SYNPR: variants seen among roughly 807,000 people sequenced by gnomAD.
SYNPR encodes the protein synaptoporin.
A neutral mutation model predicts 32.9 loss-of-function variants in SYNPR; 23 were observed. The ratio of observed to expected loss-of-function variants is 0.70; its 90% CI spans 0.50 to 0.99. SYNPR has a LOEUF of 0.99. Ranked by LOEUF, SYNPR falls within the 50% of genes least tolerant of loss-of-function variation. The probability of loss-of-function intolerance (pLI) is 0.00; values close to 1 mark genes in which losing one functional copy is unlikely to be tolerated. For synonymous variants in SYNPR, 146 were observed against 135.9 expected, an observed-to-expected ratio of 1.07 and a Z score of -0.52; for missense variants, 318 against 349.3, an observed-to-expected ratio of 0.91 and a Z score of 0.71.
chr3:63,505,838 T>C (rs573858632), intron 3 of SYNPR, among the ~76,000 whole-genome samples: 1 of 152,314 alleles, frequency 6.6e-6, no homozygotes, highest in Admixed American at 6.5e-5. Flanking sequence ...TCAACAATAT[T>C]CTAACAGCTA....
At chr3:63,337,062 T>C (rs955056689) in intron 2 of SYNPR, among the ~76,000 whole-genome samples, 11 of 151,776 alleles carry the variant, frequency 7.2e-5, no homozygotes, top group South Asian at 2.1e-4. Flanking sequence ...TGAAATCTTG[T>C]CTCCACTAAA....
At chr3:63,258,889 A>C (rs2086411979) in intron 2 of SYNPR, among the ~76,000 whole-genome samples, 3 of 152,194 alleles carry the variant, frequency 2.0e-5, no homozygotes, top group African/African-American at 7.2e-5. Flanking sequence ...GATAAAGGGG[A>C]TATCACCACT....
At chr3:63,265,241 C>CTTTTTTTTTTTTTTTTTTT (rs71126590) in intron 2 of SYNPR, among the ~76,000 whole-genome samples, 4 of 102,200 alleles carry the variant, frequency 3.9e-5, no homozygotes, top group Non-Finnish European at 5.7e-5. Flanking sequence ...TAATGACATT[C>CTTTTTTTTTTTTTTTTTTT]TTTTTTTTTT....
intron 2 of SYNPR, among the ~76,000 whole-genome samples, chr3:63,416,879 C>T (rs2088549254): frequency 6.6e-6 from 1 of 152,140 alleles, no homozygotes; most frequent in South Asian, 2.1e-4. Flanking sequence ...CACCAGGTGC[C>T]TCCCACAACA....
At chr3:63,234,162 C>CA (rs1337728296) in intron 1 of SYNPR, among the ~76,000 whole-genome samples, 4 of 152,210 alleles carry the variant, frequency 2.6e-5, no homozygotes, top group South Asian at 4.2e-4. Flanking sequence ...CAAGGAGGAG[C>CA]AAGTCACGTC....
chr3:63,303,694 T>A (rs1249076225), intron 2 of SYNPR, among the ~76,000 whole-genome samples: 2 of 152,068 alleles, frequency 1.3e-5, no homozygotes, highest in Non-Finnish European at 2.9e-5. Context: ...AGATTTATTC[T>A]GACTATGAAA....
At chr3:63,534,994 G>T (rs892863396) in intron 3 of SYNPR, among the ~76,000 whole-genome samples, 4 of 152,140 alleles carry the variant, frequency 2.6e-5, no homozygotes, top group South Asian at 2.1e-4. Flanking sequence ...AAGTGAAGGG[G>T]ACAAACAGCC....
At chr3:63,435,338 A>G (rs920673787) in intron 2 of SYNPR, among the ~76,000 whole-genome samples, 2 of 152,260 alleles carry the variant, frequency 1.3e-5, no homozygotes, top group Non-Finnish European at 2.9e-5. Flanking sequence ...GACATAATCC[A>G]TGAACAGCGC....
intron 4 of SYNPR, among the ~76,000 whole-genome samples, chr3:63,572,832 A>T (rs1702912709): frequency 6.6e-6 from 1 of 152,076 alleles, no homozygotes; most frequent in African/African-American, 2.4e-5. Flanking sequence ...ATGAACTTAG[A>T]CCTCCAGAAG....
intron 2 of SYNPR, among the ~76,000 whole-genome samples, chr3:63,445,228 G>A (rs749542369): frequency 2.1e-4 from 32 of 152,154 alleles, no homozygotes; most frequent in Admixed American, 4.6e-4. Flanking sequence ...ACTTGAGGTG[G>A]CAGCATGCAT....
At chr3:63,485,755 C>T (rs953394750) in intron 3 of SYNPR, among the ~76,000 whole-genome samples, 5 of 152,030 alleles carry the variant, frequency 3.3e-5, no homozygotes, top group East Asian at 3.9e-4. Context: ...GATAAATTTA[C>T]GACCTTGGTT....
intron 2 of SYNPR, among the ~76,000 whole-genome samples, chr3:63,308,318 G>C (rs1350204162): frequency 6.6e-6 from 1 of 151,886 alleles, no homozygotes; most frequent in South Asian, 2.1e-4. Context: ...GTTCTCTTAA[G>C]CAAATTTTAT....
At chr3:63,347,088 G>A (rs576869795) in intron 2 of SYNPR, among the ~76,000 whole-genome samples, 2 of 152,244 alleles carry the variant, frequency 1.3e-5, no homozygotes, top group African/African-American at 4.8e-5. Flanking sequence ...AATTAACTGA[G>A]ATAATGTAAC....
At chr3:63,452,761 C>T (rs370953390) in intron 2 of SYNPR, among the ~76,000 whole-genome samples, 183 of 152,174 alleles carry the variant, frequency 1.2e-3, no homozygotes, top group African/African-American at 4.0e-3. Context: ...AGCTTAGGTG[C>T]GTTTGACCCC....
the SYNPR span, among the ~76,000 whole-genome samples, chr3:63,219,631 A>G: frequency 1.3e-5 from 2 of 152,320 alleles, no homozygotes; most frequent in South Asian, 2.1e-4. Context: ...CATTTTATGT[A>G]TGGTATATGG....
At chr3:63,290,248 G>A (rs939774574) in intron 2 of SYNPR, among the ~76,000 whole-genome samples, 13 of 152,124 alleles carry the variant, frequency 8.5e-5, no homozygotes, top group Non-Finnish European at 1.8e-4. Flanking sequence ...TTTGAACCCA[G>A]GCAACTGGAT....
intron 3 of SYNPR, among the ~76,000 whole-genome samples, chr3:63,538,460 C>A (rs936431430): frequency 4.6e-5 from 7 of 151,898 alleles, no homozygotes; most frequent in Non-Finnish European, 7.4e-5. Flanking sequence ...TCTTCCTCCC[C>A]TTCCTCCAAC....
intron 3 of SYNPR, among the ~76,000 whole-genome samples, chr3:63,495,096 TC>T (rs1373979674): frequency 2.3e-4 from 35 of 152,364 alleles, no homozygotes; most frequent in African/African-American, 2.9e-4. Context: ...TTGTTCTTTT[TC>T]CTTTTTGCAG....
intron 2 of SYNPR, among the ~76,000 whole-genome samples, chr3:63,451,854 G>C (rs1453983356): frequency 6.6e-6 from 1 of 152,044 alleles, no homozygotes; most frequent in African/African-American, 2.4e-5. Context: ...TAATACATTT[G>C]ATCAGAAAAC....
Sources: gnomAD v4.1 joint callset for allele counts (sites outside exome capture counted in the v4.1 genomes callset) on GRCh38, gnomAD v4.1.1 for gene constraint, MANE v1.5 for transcripts, NCBI Gene and HGNC (gene_info 2026-07-23, HGNC 2026-07-21) for gene names.